Variants in ST7L observed in about 807,000 individuals in gnomAD.
The protein encoded by ST7L is suppressor of tumorigenicity 7 protein-like.
In ST7L, 57 loss-of-function variants were observed where a neutral mutation model predicts 72.5. The observed-to-expected ratio is 0.79, with a 90% CI of 0.64 to 0.98. The LOEUF (loss-of-function observed/expected upper bound fraction) is 0.98, where lower values mean the gene tolerates loss of function less well. Among genes scored for constraint, ST7L ranks in the 50% least tolerant of loss-of-function variants. The probability of loss-of-function intolerance (pLI) is 0.00; values close to 1 mark genes in which losing one functional copy is unlikely to be tolerated. For missense variants in ST7L, 576 were observed against 672.2 expected, an observed-to-expected ratio of 0.86 and a Z score of 1.58; for synonymous variants, 221 against 240.9, an observed-to-expected ratio of 0.92 and a Z score of 0.77.
intron 14 of ST7L, chr1:112,530,058 G>A (rs1464535828): frequency 6.6e-6 from 1 of 152,164 alleles, no homozygotes; most frequent in Non-Finnish European, 1.5e-5. Flanking sequence ...GTTAACCTAG[G>A]CAAAGAATAA....
chr1:112,604,775 TAAAAAAAA>T (rs556388277), intron 3 of ST7L, among the ~76,000 whole-genome samples: 9 of 58,746 alleles, frequency 1.5e-4, no homozygotes, highest in South Asian at 6.8e-4. Flanking sequence ...TTGTCTCTCT[TAAAAAAAA>T]AAAAAAAAAA....
chr1:112,618,574 G>T (rs900971867), intron 1 of ST7L, among the ~76,000 whole-genome samples: 1 of 152,212 alleles, frequency 6.6e-6, no homozygotes, highest in South Asian at 2.1e-4. Flanking sequence ...TCCTACCAGA[G>T]GTGGGGGAGC....
At chr1:112,552,396 A>G (rs1471070819) in intron 12 of ST7L, among the ~76,000 whole-genome samples, 1 of 152,028 alleles carries the variant, frequency 6.6e-6, no homozygotes, top group African/African-American at 2.4e-5. Flanking sequence ...GTCGCAATTT[A>G]GACTTTATTT....
At chr1:112,616,052 T>A (rs184036070) in intron 2 of ST7L, among the ~76,000 whole-genome samples, 1 of 152,172 alleles carries the variant, frequency 6.6e-6, no homozygotes, top group Admixed American at 6.5e-5. Flanking sequence ...GGGTTCTCTT[T>A]AAATCATTTG....
Position 112,584,241 on chromosome 1 carries a change from GAAA to G in ST7L, c.702-118_702-116del. On this transcript the variant is annotated intron_variant, in intron 6 of 14. Transcript: ENST00000358039. ...CTTACCTACACTTTTTCCATCTTTAGAAAAAAAAAAACCTTCGTTCAATATTTT... is the reference window on the plus strand; with the variant it reads ...CTTACCTACACTTTTTCCATCTTTAGAAAAAAAACCTTCGTTCAATATTTT... 3.6e-6 allele frequency: 3 copies of G among 837,116 alleles called. No individual in the cohort carries two copies. In the South Asian group the frequency reaches 8.7e-5, roughly 24 times the overall value. The allele number at this position is 837,116 out of a possible 1,614,324, so 51.9% of individuals were successfully genotyped here. A position where few individuals can be genotyped will look rare whatever the true frequency, so the allele number is the denominator to read the frequency against.
chr1:112,618,088 TG>T, intron 1 of ST7L: 1 of 1,303,192 alleles, frequency 7.7e-7, no homozygotes, highest in Non-Finnish European at 1.0e-6. Flanking sequence ...TACTGAATCA[TG>T]TAATGGAAAT....
chr1:112,530,885 A>G (rs899538332), intron 14 of ST7L, among the ~76,000 whole-genome samples: 1 of 152,246 alleles, frequency 6.6e-6, no homozygotes, highest in Non-Finnish European at 1.5e-5. Flanking sequence ...CAAAAAATGC[A>G]GAATTGATCA....
At position 112,523,696 on chromosome 1, in the gene ST7L, A is replaced by T. The variant is rs748140274; in HGVS notation, c.*2317T>A. 5 of 152,108 alleles carry T rather than the reference A, an allele frequency of 3.3e-5. No homozygotes were observed. The highest frequency in any genetic ancestry group is 4.8e-5 in the African/African-American group (2 of 41,418). The allele number at this position is 152,108 out of a possible 1,614,324, so 9.4% of individuals were successfully genotyped here. ...CTTCCATTCCTTCCTGTTGGTACTC[A>T]TTTCTTCTAACTTTTAATAAACATT... On this transcript the variant is annotated 3_prime_UTR_variant, in exon 15 of 15. Transcript: ENST00000358039.
downstream of ST7L, among the ~76,000 whole-genome samples, chr1:112,519,582 A>C (rs1191453256): frequency 6.6e-6 from 1 of 152,256 alleles, no homozygotes; most frequent in African/African-American, 2.4e-5. Context: ...GGAAAACATG[A>C]TCCCTATCCT....
At chr1:112,554,285 T>A (rs1036565755) in intron 12 of ST7L, among the ~76,000 whole-genome samples, 1 of 152,124 alleles carries the variant, frequency 6.6e-6, no homozygotes, top group African/African-American at 2.4e-5. Flanking sequence ...ATTAAAGAGA[T>A]CGGGTAGTTA....
intron 11 of ST7L, among the ~76,000 whole-genome samples, chr1:112,576,313 A>G (rs1449738708): frequency 6.6e-6 from 1 of 152,086 alleles, no homozygotes; most frequent in Non-Finnish European, 1.5e-5. Context: ...GCTAGTCCCA[A>G]ACTCCTGGGC....
chr1:112,520,483 A>G, downstream of ST7L: 3 of 1,614,112 alleles, frequency 1.9e-6, no homozygotes, highest in Non-Finnish European at 2.5e-6. Flanking sequence ...AGCCCCCAAG[A>G]AGGCAGAGTG....
At chr1:112,618,366 A>G (rs762515763) in intron 1 of ST7L, 2 of 659,586 alleles carry the variant, frequency 3.0e-6, no homozygotes, top group Non-Finnish European at 3.8e-6. Context: ...TACTCAAGAT[A>G]AGCCTAAAAG....
At position 112,617,872 on chromosome 1, in the gene ST7L, C is replaced by T. The variant is rs569583561; in HGVS notation, c.206-977G>A. The stretch of plus-strand genomic sequence containing the variant: ...CAGTAACACTGTGCATAGAAACCAC[C>T]GTTAAGCACTTCATTCACCTGTTAC... On this transcript the variant is annotated intron_variant, in intron 1 of 14. Transcript: ENST00000358039. 2.7e-4 allele frequency: 153 copies of T among 574,054 alleles called. No homozygotes were observed. The African/African-American group carries it at 2.7e-3, about 10-fold the overall frequency. The allele number at this position is 574,054 out of a possible 1,614,324, so 35.6% of individuals were successfully genotyped here.
intron 6 of ST7L, among the ~76,000 whole-genome samples, chr1:112,584,355 TA>T (rs35938873): frequency 1.8e-4 from 27 of 146,456 alleles, no homozygotes; most frequent in African/African-American, 3.5e-4. Context: ...CTTTGTTTTT[TA>T]AAAAAAAAAA....
chr1:112,599,643 A>G (rs1667096857), intron 4 of ST7L, among the ~76,000 whole-genome samples: 1 of 152,220 alleles, frequency 6.6e-6, no homozygotes, highest in African/African-American at 2.4e-5. Flanking sequence ...CACAATTTAC[A>G]TTCAGAGTGA....
At chr1:112,526,138 G>T in intron 14 of ST7L, 27 bp from the exon 15 acceptor site, 3 of 1,613,860 alleles carry the variant, frequency 1.9e-6, no homozygotes, top group Non-Finnish European at 2.5e-6. Flanking sequence ...GATACAAAAT[G>T]TTCAAGCCCT....
intron 13 of ST7L, among the ~76,000 whole-genome samples, chr1:112,543,886 A>C (rs1656631521): frequency 6.6e-6 from 1 of 151,494 alleles, no homozygotes; most frequent in South Asian, 2.1e-4. Flanking sequence ...AAAAAAAAAA[A>C]AAAAACCTAA....
intron 12 of ST7L, 97 bp from the exon 13 acceptor site, chr1:112,550,790 C>CT: frequency 2.1e-6 from 2 of 945,178 alleles, no homozygotes; most frequent in Non-Finnish European, 3.2e-6. Context: ...ATACTATTTT[C>CT]TTTTTTTAGT....
Sources: gnomAD v4.1 joint callset for allele counts (sites outside exome capture counted in the v4.1 genomes callset) on GRCh38, gnomAD v4.1.1 for gene constraint, MANE v1.5 for transcripts, NCBI Gene and HGNC (gene_info 2026-07-23, HGNC 2026-07-21) for gene names.